Variants in KAT6B observed in about 807,000 individuals in gnomAD.
KAT6B encodes lysine acetyltransferase 6B, also known as histone acetyltransferase KAT6B.
KAT6B carries 10 observed loss-of-function variants against 187.5 expected under a neutral mutation model. That is an observed-to-expected ratio of 0.05 (90% confidence interval 0.03 to 0.09). KAT6B has a LOEUF of 0.09. Among genes scored for constraint, KAT6B ranks in the 10% least tolerant of loss-of-function variants. The probability of loss-of-function intolerance (pLI) is 1.00; values close to 1 mark genes in which losing one functional copy is unlikely to be tolerated. For missense variants in KAT6B, 1,952 were observed against 2,558.9 expected (o/e 0.76, Z 5.12); for synonymous variants, 861 against 926.8 (o/e 0.93, Z 1.29).
At chr10:74,965,904 T>A (rs1841432053) in intron 4 of KAT6B, among the ~76,000 whole-genome samples, 3 of 149,666 alleles carry the variant, frequency 2.0e-5, no homozygotes. Flanking sequence ...TTTCTGTATT[T>A]TTTTTTTTTT....
chr10:74,840,432 A>G (rs1316629741), intron 2 of KAT6B, among the ~76,000 whole-genome samples: 1 of 152,132 alleles, frequency 6.6e-6, no homozygotes, highest in Non-Finnish European at 1.5e-5. Context: ...AAATACTAAG[A>G]ATTGTCTTGG....
rs193008090 is a variant in KAT6B at position 74,880,558 on chromosome 10, G to A, written c.621+37080G>A. On this transcript the variant is annotated intron_variant, in intron 3 of 17. Coordinates refer to ENST00000287239, the MANE Select transcript of KAT6B (RefSeq NM_012330.4). ...TGTGTACATATTTTTGTGTGGACAC[G>A]TTTTTACTTCTCTTGGCTGTATACC... 3.8e-4 allele frequency among the ~76,000 whole-genome samples: 58 copies of A among 152,246 alleles called. No individual in the cohort carries two copies. In the East Asian group the frequency reaches 8.9e-3, roughly 23 times the overall value.
chr10:75,021,176 T>C lies in KAT6B; in HGVS notation c.2912T>C (p.Leu971Pro). 1 of 1,614,138 alleles carries C rather than the reference T, an allele frequency of 6.2e-7. No homozygotes were observed. Among genetic ancestry groups the C allele is most frequent in the Non-Finnish European group, 8.5e-7 (1 of 1,179,966 alleles). ...EKLILSHMEK[L>P]KTCSRANELD... ...TTGATATTGAGCCACATGGAAAAGC[T>C]GAAAACCTGTTCCAGAGCCAATGAA... The change falls in exon 15 of 18, where the codon CTG becomes CCG. Residue 971 changes from leucine to proline, a missense_variant. By Grantham distance (98) the Leu-to-Pro change is moderately conservative (BLOSUM62 -3). Coordinates refer to ENST00000287239, the MANE Select transcript of KAT6B (RefSeq NM_012330.4).
chr10:74,988,946 A>G, intron 12 of KAT6B, 73 bp from the exon 13 acceptor site: 3 of 1,008,110 alleles, frequency 3.0e-6, no homozygotes, highest in Non-Finnish European at 4.8e-6. Flanking sequence ...TTTTACAAGG[A>G]CAGTGGCAGG....
Position 75,030,233 on chromosome 10 carries a change from T to C in KAT6B, c.5409T>C (p.Phe1803=). The change falls in exon 18 of 18, where the codon TTT becomes TTC. Residue 1803 remains phenylalanine (F), a synonymous_variant. Coordinates refer to ENST00000287239, the MANE Select transcript of KAT6B (RefSeq NM_012330.4). The surrounding 1 kb of genome is among the most constrained non-coding windows in gnomAD (Gnocchi z 4.8). ...ACGAGCGAATGGGTCAGAGTGATTT[T>C]GGGGCTGGGCATTACCCGCAGCCGT... The part of the protein sequence containing the change: ...GLYERMGQSD[F]GAGHYPQPSA... The C allele has an allele frequency of 6.2e-7, 1 of 1,614,214 alleles. No homozygotes were observed.
chr10:74,871,413 G>A (rs1003247532), intron 3 of KAT6B, among the ~76,000 whole-genome samples: 3 of 151,016 alleles, frequency 2.0e-5, no homozygotes, highest in African/African-American at 7.3e-5. Flanking sequence ...GACTGGTCTC[G>A]AACTCCTGAC....
chr10:74,969,803 C>G, intron 5 of KAT6B, 28 bp downstream of exon 5: 1 of 1,465,126 alleles, frequency 6.8e-7, no homozygotes, highest in Non-Finnish European at 9.6e-7. Context: ...AATCCGCCTC[C>G]AGGTAACTCG....
At chr10:74,868,339 G>C (rs974790023) in intron 3 of KAT6B, among the ~76,000 whole-genome samples, 88 of 152,102 alleles carry the variant, frequency 5.8e-4, no homozygotes, top group African/African-American at 1.9e-3. Flanking sequence ...CAAATAACTG[G>C]AATAAATCTG....
At chr10:74,995,823 G>A (rs1185525766) in intron 13 of KAT6B, among the ~76,000 whole-genome samples, 2 of 152,232 alleles carry the variant, frequency 1.3e-5, no homozygotes, top group East Asian at 1.9e-4. Context: ...TAGATACTTA[G>A]GTAGCAGTTA....
chr10:74,954,993 G>A (rs938535201), intron 3 of KAT6B, among the ~76,000 whole-genome samples: 3 of 152,068 alleles, frequency 2.0e-5, no homozygotes, highest in Admixed American at 6.5e-5. Context: ...TCATCCTTTG[G>A]CATCTGTGGG....
intron 11 of KAT6B, chr10:74,982,482 C>T (rs1842571981): frequency 6.4e-6 from 1 of 155,496 alleles, no homozygotes; most frequent in Non-Finnish European, 1.4e-5. Context: ...GGCCATATGT[C>T]TGTCATTGTG....
intron 3 of KAT6B, among the ~76,000 whole-genome samples, chr10:74,888,813 G>A (rs745734895): frequency 5.3e-5 from 8 of 152,286 alleles, no homozygotes; most frequent in East Asian, 3.9e-4. Flanking sequence ...TATAGAATGC[G>A]ATACCTAAAA....
At chr10:74,964,023 C>T (rs956111666) in intron 4 of KAT6B, among the ~76,000 whole-genome samples, 1 of 151,950 alleles carries the variant, frequency 6.6e-6, no homozygotes, top group Non-Finnish European at 1.5e-5. Flanking sequence ...CCCAGCTACT[C>T]GGAAGGCTGA....
intron 6 of KAT6B, among the ~76,000 whole-genome samples, chr10:74,972,105 A>G (rs555166167): frequency 9.2e-5 from 14 of 152,202 alleles, no homozygotes; most frequent in African/African-American, 3.1e-4. Context: ...TAGTGTTGGA[A>G]CTTTCCAGAA....
At chr10:74,880,361 C>T (rs1803839221) in intron 3 of KAT6B, among the ~76,000 whole-genome samples, 1 of 152,214 alleles carries the variant, frequency 6.6e-6, no homozygotes, top group African/African-American at 2.4e-5. Flanking sequence ...GCTTCTTTCA[C>T]TGAGCATAAT....
intron 3 of KAT6B, among the ~76,000 whole-genome samples, chr10:74,924,702 A>G (rs1848366187): frequency 6.6e-6 from 1 of 152,198 alleles, no homozygotes; most frequent in African/African-American, 2.4e-5. Context: ...TAACTTTGTA[A>G]AATTAGAAAT....
intron 3 of KAT6B, among the ~76,000 whole-genome samples, chr10:74,851,534 T>C (rs1309512280): frequency 6.6e-6 from 1 of 152,120 alleles, no homozygotes; most frequent in African/African-American, 2.4e-5. Context: ...GGTTTCACCA[T>C]ATTGGCCAGG....
At chr10:74,939,306 G>A (rs901096943) in intron 3 of KAT6B, among the ~76,000 whole-genome samples, 9 of 152,170 alleles carry the variant, frequency 5.9e-5, no homozygotes, top group African/African-American at 2.2e-4. Context: ...GGGTGCTTGT[G>A]GAGGTACAGC....
chr10:74,871,747 G>T (rs934989467), intron 3 of KAT6B, among the ~76,000 whole-genome samples: 1 of 152,172 alleles, frequency 6.6e-6, no homozygotes, highest in Non-Finnish European at 1.5e-5. Flanking sequence ...AGAACAATAT[G>T]GTTTAGCATG....
Sources: allele counts gnomAD v4.1 joint callset (sites outside exome capture counted in the v4.1 genomes callset), GRCh38; gene constraint gnomAD v4.1.1; non-coding constraint Gnocchi (gnomAD v3.1); transcripts MANE v1.5; gene names NCBI Gene and HGNC (gene_info 2026-07-23, HGNC 2026-07-21).